SDK1: variants seen among roughly 807,000 people sequenced by gnomAD.
SDK1 encodes the protein sidekick cell adhesion molecule 1.
SDK1 carries 157 observed loss-of-function variants against 245.5 expected under a neutral mutation model. That is an observed-to-expected ratio of 0.64 (90% CI 0.56 to 0.73). The LOEUF is 0.73. Ranked by LOEUF, SDK1 falls within the 30% of genes least tolerant of loss-of-function variation. SDK1 has a pLI of 0.00. For synonymous variants in SDK1, 1,647 were observed against 1,278.5 expected, an observed-to-expected ratio of 1.29 and a Z score of -6.15; for missense variants, 3,583 against 3,002.3, an observed-to-expected ratio of 1.19 and a Z score of -4.52.
intron 1 of SDK1, among the ~76,000 whole-genome samples, chr7:3,523,965 G>C (rs898343530): frequency 2.2e-4 from 33 of 152,248 alleles, no homozygotes; most frequent in African/African-American, 7.9e-4. Context: ...TTTGAGTCTG[G>C]ATCCTTGATC....
chr7:3,671,849 C>G (rs1783711105), intron 4 of SDK1, among the ~76,000 whole-genome samples: 1 of 152,118 alleles, frequency 6.6e-6, no homozygotes, highest in Non-Finnish European at 1.5e-5. Flanking sequence ...TTTTTTCCTT[C>G]TTATGTAATA....
chr7:4,027,299 G>C (rs1183444675), intron 17 of SDK1, among the ~76,000 whole-genome samples: 1 of 152,192 alleles, frequency 6.6e-6, no homozygotes, highest in Non-Finnish European at 1.5e-5. Context: ...TGTTGCTTTA[G>C]TAAATAGAAC....
chr7:3,465,875 A>T (rs1306421908), intron 1 of SDK1, among the ~76,000 whole-genome samples: 2 of 152,222 alleles, frequency 1.3e-5, no homozygotes, highest in African/African-American at 4.8e-5. Flanking sequence ...TGCAGAGGAT[A>T]AATTCATATA....
intron 1 of SDK1, among the ~76,000 whole-genome samples, chr7:3,576,427 G>T (rs1213148108): frequency 1.3e-5 from 2 of 152,052 alleles, no homozygotes; most frequent in Non-Finnish European, 2.9e-5. Context: ...CCTCAGGGGA[G>T]TCGCAGGTAC....
rs574432322 is a variant in SDK1 at position 3,353,084 on chromosome 7, T to C, written c.298+51200T>C. On this transcript the variant is annotated intron_variant, in intron 1 of 44. Transcript: ENST00000404826. The stretch of plus-strand genomic sequence containing the variant: ...GTACTTTTTCTATATTATCCCAATT[T>C]AGCTTTTTTTGCACCCTGCAGCAAT... 2.5e-4 allele frequency among the ~76,000 whole-genome samples: 38 copies of C among 152,308 alleles called. No homozygotes were observed. The South Asian group carries it at 7.9e-3, about 32-fold the overall frequency.
chr7:3,649,030 T>C (rs1284033441), intron 4 of SDK1, among the ~76,000 whole-genome samples: 1 of 152,206 alleles, frequency 6.6e-6, no homozygotes, highest in Non-Finnish European at 1.5e-5. Flanking sequence ...CATGGACATT[T>C]CCTGAGCACT....
intron 4 of SDK1, among the ~76,000 whole-genome samples, chr7:3,780,849 A>G (rs977647581): frequency 3.3e-5 from 5 of 151,720 alleles, no homozygotes; most frequent in African/African-American, 4.8e-5. Context: ...CAATGACCCC[A>G]CCCTAGCCAG....
intron 1 of SDK1, among the ~76,000 whole-genome samples, chr7:3,570,393 C>T (rs967523588): frequency 9.2e-5 from 14 of 152,128 alleles, no homozygotes; most frequent in African/African-American, 3.1e-4. Context: ...GTTGCTCAGG[C>T]AGTAATGCTT....
At chr7:3,649,311 A>C (rs765196455) in intron 4 of SDK1, among the ~76,000 whole-genome samples, 2 of 152,168 alleles carry the variant, frequency 1.3e-5, no homozygotes, top group Non-Finnish European at 2.9e-5. Context: ...GTATATAACA[A>C]AATGCGCATT....
intron 5 of SDK1, among the ~76,000 whole-genome samples, chr7:3,943,213 T>A (rs991249018): frequency 6.6e-6 from 1 of 152,150 alleles, no homozygotes; most frequent in Non-Finnish European, 1.5e-5. Flanking sequence ...CTGTGTTTTT[T>A]AATGAGGTGC....
intron 44 of SDK1, among the ~76,000 whole-genome samples, chr7:4,254,660 A>G (rs1446232970): frequency 1.4e-5 from 2 of 142,990 alleles, no homozygotes; most frequent in Non-Finnish European, 3.0e-5. Flanking sequence ...TGTATGCATT[A>G]TACTTTCCTG....
intron 5 of SDK1, among the ~76,000 whole-genome samples, chr7:3,945,158 T>C (rs1780523056): frequency 6.6e-6 from 1 of 152,166 alleles, no homozygotes; most frequent in South Asian, 2.1e-4. Flanking sequence ...CCTCAAACTG[T>C]AAGCAGAATA....
intron 5 of SDK1, among the ~76,000 whole-genome samples, chr7:3,834,847 C>G (rs962588503): frequency 6.6e-6 from 1 of 152,078 alleles, no homozygotes; most frequent in African/African-American, 2.4e-5. Flanking sequence ...GAAGTGAGGC[C>G]TTTTTACCCT....
intron 8 of SDK1, among the ~76,000 whole-genome samples, chr7:3,959,545 C>A (rs1781512318): frequency 6.6e-6 from 1 of 152,138 alleles, no homozygotes; most frequent in African/African-American, 2.4e-5. Context: ...GTACCCTGTA[C>A]CCGTTAAGTA....
At chr7:3,482,330 C>T (rs1042390226) in intron 1 of SDK1, among the ~76,000 whole-genome samples, 6 of 152,176 alleles carry the variant, frequency 3.9e-5, no homozygotes, top group African/African-American at 1.4e-4. Context: ...GGGCAGCGAG[C>T]TCTTAGACTG....
rs375978846 is a variant in SDK1 at position 4,233,841 on chromosome 7, C to G, written c.5992+422C>G. On this transcript the variant is annotated intron_variant, in intron 41 of 44. Transcript: ENST00000404826. ...GCCCCAGAGCCTCCCCCAGCACCACCAGCAAGGCCCCTTATGGGCTTTGTG... is the reference window on the plus strand; with the variant it reads ...GCCCCAGAGCCTCCCCCAGCACCACGAGCAAGGCCCCTTATGGGCTTTGTG... 2.0e-5 allele frequency among the ~76,000 whole-genome samples: 3 copies of G among 152,280 alleles called. No individual in the cohort carries two copies. The East Asian group carries it at 5.8e-4, about 30-fold the overall frequency.
intron 4 of SDK1, among the ~76,000 whole-genome samples, chr7:3,736,463 TGG>T (rs992935180): frequency 4.6e-5 from 7 of 152,052 alleles, no homozygotes; most frequent in African/African-American, 1.7e-4. Context: ...TTAGTAGAGA[TGG>T]GTTTCACCGT....
At chr7:3,725,703 C>T (rs1388239351) in intron 4 of SDK1, among the ~76,000 whole-genome samples, 1 of 152,166 alleles carries the variant, frequency 6.6e-6, no homozygotes, top group Non-Finnish European at 1.5e-5. Context: ...CGTAAGTGGA[C>T]AAACTTCAGT....
intron 1 of SDK1, among the ~76,000 whole-genome samples, chr7:3,311,187 T>TG (rs1168084325): frequency 5.9e-5 from 9 of 152,026 alleles, no homozygotes; most frequent in Non-Finnish European, 1.2e-4. Context: ...GCGATGGGCC[T>TG]GGGGGGAGAG....
Sources: allele counts gnomAD v4.1 joint callset (sites outside exome capture counted in the v4.1 genomes callset), GRCh38; gene constraint gnomAD v4.1.1; transcripts MANE v1.5; gene names NCBI Gene and HGNC (gene_info 2026-07-23, HGNC 2026-07-21).